NEK10: variants seen among roughly 807,000 people sequenced by gnomAD.
NEK10 encodes the protein NIMA related kinase 10.
In NEK10, 122 loss-of-function variants were observed where a neutral mutation model predicts 159.8. The ratio of observed to expected loss-of-function variants is 0.76; its 90% CI spans 0.66 to 0.89. NEK10 has a LOEUF of 0.89. Among genes scored for constraint, NEK10 ranks in the 40% least tolerant of loss-of-function variants. The pLI, the probability that NEK10 is intolerant of heterozygous loss-of-function variation, is 0.00. For synonymous variants in NEK10, 466 were observed against 457.1 expected, an observed-to-expected ratio of 1.02 and a Z score of -0.25; for missense variants, 1,342 against 1,323.1, an observed-to-expected ratio of 1.01 and a Z score of -0.22.
At chr3:27,202,618 C>A in intron 23 of NEK10, 61 bp from the exon 24 acceptor site, 1 of 1,402,888 alleles carries the variant, frequency 7.1e-7, no homozygotes, top group Non-Finnish European at 9.4e-7. Flanking sequence ...CAGAAAGATC[C>A]AATTTTCAAG....
intron 3 of NEK10, among the ~76,000 whole-genome samples, chr3:27,349,589 A>T (rs2047820728): frequency 6.6e-6 from 1 of 152,222 alleles, no homozygotes; most frequent in Non-Finnish European, 1.5e-5. Flanking sequence ...TAATAAGCCC[A>T]TAACAAATTA....
rs770565860 is a variant in NEK10, at chr3:27,202,521, C to T, written c.2127G>A (p.Lys709=). The change falls in exon 24 of 36, where the codon AAG becomes AAA. Residue 709 remains lysine (K), a synonymous_variant. Coordinates refer to ENST00000691995, the MANE Select transcript of NEK10 (RefSeq NM_001394966.1). ...EVLKSEPYGE[K]ADVWAVGCIL... ...TGCAGCCTACTGCCCAGACATCAGC[C>T]TTCTCCCCATACGGCTCACTCTTCA... 7.4e-6 allele frequency: 12 copies of T among 1,612,606 alleles called. No individual in the cohort carries two copies. The East Asian group carries it at 1.1e-4, about 15-fold the overall frequency.
At chr3:27,173,695 TCA>T (rs1947229214) in intron 28 of NEK10, among the ~76,000 whole-genome samples, 1 of 152,222 alleles carries the variant, frequency 6.6e-6, no homozygotes, top group Non-Finnish European at 1.5e-5. Context: ...AGAATTATTT[TCA>T]CTTAATTTAT....
intron 33 of NEK10, among the ~76,000 whole-genome samples, chr3:27,116,625 A>G (rs1047021784): frequency 3.9e-5 from 6 of 152,164 alleles, no homozygotes; most frequent in African/African-American, 1.4e-4. Flanking sequence ...ATTTATTGCC[A>G]GAAGACTTTT....
rs772289373 is a variant in NEK10, at chr3:27,256,389, A to G, written c.2015-18T>C. The G allele has an allele frequency of 9.2e-6, 14 of 1,513,618 alleles. No homozygotes were observed. Among genetic ancestry groups the G allele is most frequent in the African/African-American group, 1.4e-5 (1 of 69,700 alleles). 93.8% of individuals were successfully genotyped at this position (1,513,618 alleles called of 1,614,324 possible). A position where few individuals can be genotyped will look rare whatever the true frequency, so the allele number is the denominator to read the frequency against. ...AAAGTCAGCTACAATTCACAAAACA[A>G]CGCAATATGTTACTATATTTTCCCA... On this transcript the variant is annotated intron_variant, in intron 22 of 35. Coordinates refer to ENST00000691995, the MANE Select transcript of NEK10 (RefSeq NM_001394966.1).
At chr3:27,346,819 AATCAT>A (rs1324517715) in intron 3 of NEK10, among the ~76,000 whole-genome samples, 1 of 152,268 alleles carries the variant, frequency 6.6e-6, no homozygotes, top group East Asian at 1.9e-4. Flanking sequence ...CTGATTACTC[AATCAT>A]ATTTATAAAA....
intron 5 of NEK10, among the ~76,000 whole-genome samples, chr3:27,327,748 C>A (rs2046110105): frequency 2.0e-5 from 3 of 152,146 alleles, no homozygotes; most frequent in Admixed American, 6.5e-5. Flanking sequence ...TTTCATGTCA[C>A]AGCCCTTTTC....
At chr3:27,302,434 G>C (rs560457281) in intron 12 of NEK10, among the ~76,000 whole-genome samples, 6 of 151,340 alleles carry the variant, frequency 4.0e-5, no homozygotes, top group Non-Finnish European at 7.4e-5. Context: ...GGTTCTGTAG[G>C]TGTTATTCAG....
chr3:27,348,400 C>T (rs941658432), intron 3 of NEK10, among the ~76,000 whole-genome samples: 3 of 152,116 alleles, frequency 2.0e-5, no homozygotes, highest in African/African-American at 2.4e-5. Context: ...TCATGGAAAA[C>T]GGGTGGATAA....
intron 20 of NEK10, among the ~76,000 whole-genome samples, chr3:27,286,884 T>C (rs1283154427): frequency 6.6e-6 from 1 of 152,044 alleles, no homozygotes; most frequent in African/African-American, 2.4e-5. Flanking sequence ...CTGCATGAGT[T>C]TTAGCACTGA....
intron 31 of NEK10, among the ~76,000 whole-genome samples, chr3:27,138,833 G>T (rs1402046840): frequency 6.6e-6 from 1 of 152,222 alleles, no homozygotes; most frequent in Non-Finnish European, 1.5e-5. Flanking sequence ...TCCTGATGAA[G>T]TGCCAACTGA....
intron 23 of NEK10, among the ~76,000 whole-genome samples, chr3:27,235,385 C>T (rs1304357381): frequency 6.6e-6 from 1 of 152,116 alleles, no homozygotes; most frequent in East Asian, 1.9e-4. Flanking sequence ...GGTCTAATAT[C>T]CAGCATCTAT....
At chr3:27,327,869 T>G (rs2046117835) in intron 5 of NEK10, among the ~76,000 whole-genome samples, 3 of 151,932 alleles carry the variant, frequency 2.0e-5, no homozygotes, top group African/African-American at 4.8e-5. Flanking sequence ...TCACCTCAAA[T>G]TCATAAGACA....
chr3:27,255,158 T>C (rs755859618), intron 23 of NEK10: 3 of 187,038 alleles, frequency 1.6e-5, no homozygotes, highest in African/African-American at 2.4e-5. Context: ...CAGTACACAG[T>C]GAAACAAAAG....
chr3:27,252,922 C>G (rs1331050717), intron 23 of NEK10: 3 of 512,274 alleles, frequency 5.9e-6, no homozygotes, highest in Non-Finnish European at 1.2e-5. Context: ...AGCTGGAAGT[C>G]ACTTAAGTGT....
chr3:27,353,836 C>T (rs1353076031), intron 1 of NEK10, among the ~76,000 whole-genome samples: 1 of 152,108 alleles, frequency 6.6e-6, no homozygotes, highest in Non-Finnish European at 1.5e-5. Context: ...CAAAAACCCA[C>T]TCGTGAACTT....
At chr3:27,200,008 C>A (rs927939269) in intron 25 of NEK10, among the ~76,000 whole-genome samples, 3 of 152,048 alleles carry the variant, frequency 2.0e-5, no homozygotes, top group Non-Finnish European at 4.4e-5. Flanking sequence ...AGCTATTGGG[C>A]ACTAGGCTTA....
intron 26 of NEK10, among the ~76,000 whole-genome samples, chr3:27,179,941 C>T (rs761411571): frequency 1.3e-5 from 2 of 151,916 alleles, no homozygotes; most frequent in Non-Finnish European, 2.9e-5. Context: ...ATTAGCCAGA[C>T]ATGGTGGCAG....
intron 30 of NEK10, among the ~76,000 whole-genome samples, chr3:27,151,984 G>A (rs1944924949): frequency 6.6e-6 from 1 of 152,114 alleles, no homozygotes; most frequent in African/African-American, 2.4e-5. Context: ...CCTCCAAGAA[G>A]TCTGGGATTA....
Sources: gnomAD v4.1 joint callset for allele counts (sites outside exome capture counted in the v4.1 genomes callset) on GRCh38, gnomAD v4.1.1 for gene constraint, MANE v1.5 for transcripts, NCBI Gene and HGNC (gene_info 2026-07-23, HGNC 2026-07-21) for gene names.